Variants in ITGA8 observed in about 807,000 individuals in gnomAD.
ITGA8 encodes integrin subunit alpha 8.
A neutral mutation model predicts 142.3 loss-of-function variants in ITGA8; 91 were observed. The observed-to-expected ratio is 0.64, with a 90% CI of 0.54 to 0.76. The LOEUF (loss-of-function observed/expected upper bound fraction) is 0.76, where lower values mean the gene tolerates loss of function less well. ITGA8 is among the 30% of genes least tolerant of loss of function. The pLI, the probability that ITGA8 is intolerant of heterozygous loss-of-function variation, is 0.00. For missense variants in ITGA8, 1,406 were observed against 1,327.7 expected (o/e 1.06, Z -0.92); for synonymous variants, 505 against 485.2 (o/e 1.04, Z -0.54).
In ITGA8 at chr10:15,682,928, C is replaced by T. The variant is rs574620236; in HGVS notation, c.568+1076G>A. 2.5e-5 allele frequency among the ~76,000 whole-genome samples: 3 copies of T among 120,560 alleles called. No homozygotes were observed. The Admixed American group carries it at 2.9e-4, about 12-fold the overall frequency. 79.1% of individuals were successfully genotyped at this position (120,560 alleles called of 152,430 possible). On this transcript the variant is annotated intron_variant, in intron 4 of 29. Transcript: ENST00000378076. The stretch of plus-strand genomic sequence containing the variant: ...AATCTCAGCAGCCTCTTTGTTAACC[C>T]TCTAATATCACTAATCGATTTTTTC...
chr10:15,517,824 C>T (rs182449639), intron 29 of ITGA8, among the ~76,000 whole-genome samples: 290 of 152,376 alleles, frequency 1.9e-3, no homozygotes, highest in African/African-American at 6.6e-3. Flanking sequence ...ATACAAACCA[C>T]TTATGGACCT....
At chr10:15,520,082 AT>A (rs991336257) in intron 28 of ITGA8, among the ~76,000 whole-genome samples, 1 of 152,014 alleles carries the variant, frequency 6.6e-6, no homozygotes, top group African/African-American at 2.4e-5. Context: ...TGAATGTTCA[AT>A]TTTTTTTGAT....
At chr10:15,535,084 C>T (rs1041531570) in intron 27 of ITGA8, among the ~76,000 whole-genome samples, 13 of 152,180 alleles carry the variant, frequency 8.5e-5, no homozygotes, top group Admixed American at 3.9e-4. Context: ...CCCGGGCCAG[C>T]GGCTGCGGTA....
intron 29 of ITGA8, among the ~76,000 whole-genome samples, chr10:15,517,673 G>T (rs1203158205): frequency 6.6e-6 from 1 of 152,204 alleles, no homozygotes; most frequent in Non-Finnish European, 1.5e-5. Flanking sequence ...TAATCAGTCT[G>T]TTTCTCCAAA....
At chr10:15,546,064 G>T (rs545759192) in intron 27 of ITGA8, among the ~76,000 whole-genome samples, 2 of 152,212 alleles carry the variant, frequency 1.3e-5, no homozygotes, top group South Asian at 4.2e-4. Context: ...TATTCTGTCT[G>T]GGGCTCTGCC....
intron 28 of ITGA8, among the ~76,000 whole-genome samples, chr10:15,523,249 A>G (rs1389633358): frequency 1.3e-5 from 2 of 152,246 alleles, no homozygotes; most frequent in African/African-American, 2.4e-5. Context: ...TGTATCATCT[A>G]TATAACTGGG....
chr10:15,646,270 C>T (rs920380776), intron 12 of ITGA8, among the ~76,000 whole-genome samples: 2 of 152,132 alleles, frequency 1.3e-5, no homozygotes, highest in African/African-American at 2.4e-5. Context: ...AAGTAAACAG[C>T]ACTTATAAGT....
intron 6 of ITGA8, 32 bp from the exon 7 acceptor site, chr10:15,672,781 A>G: frequency 1.3e-6 from 2 of 1,549,894 alleles, no homozygotes; most frequent in Non-Finnish European, 1.7e-6. Flanking sequence ...CGTTAACTGA[A>G]TGAAAGCAAG....
rs1179469415 is a variant in ITGA8, at chr10:15,515,451, A to G, written c.*1707T>C. The G allele has an allele frequency of 6.6e-6, 1 of 152,188 alleles. No individual in the cohort carries two copies. Among genetic ancestry groups the G allele is most frequent in the Non-Finnish European group, 1.5e-5 (1 of 68,030 alleles). The allele number at this position is 152,188 out of a possible 1,614,324, so 9.4% of individuals were successfully genotyped here. On this transcript the variant is annotated 3_prime_UTR_variant, in exon 30 of 30. Transcript: ENST00000378076. ...AGCTGTAGCCAAATGGCTCCTCTCCAGCTTATGGCATGACATAAAATTTAG... is the reference window on the plus strand; with the variant it reads ...AGCTGTAGCCAAATGGCTCCTCTCCGGCTTATGGCATGACATAAAATTTAG...
chr10:15,626,724 T>C (rs745612980), intron 13 of ITGA8, among the ~76,000 whole-genome samples: 4 of 152,138 alleles, frequency 2.6e-5, no homozygotes, highest in Non-Finnish European at 5.9e-5. Context: ...ACCAGTGTCC[T>C]TATAAGAAGA....
chr10:15,531,503 A>G (rs1409450923), intron 27 of ITGA8, among the ~76,000 whole-genome samples: 1 of 136,230 alleles, frequency 7.3e-6, no homozygotes, highest in African/African-American at 2.7e-5. Flanking sequence ...ATAAAAACAG[A>G]AAATCAGAGT....
At chr10:15,640,398 C>T (rs1833849525) in intron 13 of ITGA8, among the ~76,000 whole-genome samples, 1 of 152,172 alleles carries the variant, frequency 6.6e-6, no homozygotes, top group South Asian at 2.1e-4. Context: ...GTATTTACTT[C>T]ATAATTTGAA....
intron 2 of ITGA8, among the ~76,000 whole-genome samples, chr10:15,699,098 A>G (rs958618282): frequency 3.9e-5 from 6 of 152,204 alleles, no homozygotes; most frequent in East Asian, 1.9e-4. Context: ...AGCATGGCCA[A>G]CATGGTGAAA....
intron 28 of ITGA8, among the ~76,000 whole-genome samples, chr10:15,522,136 T>G (rs369543004): frequency 6.6e-6 from 1 of 152,210 alleles, no homozygotes; most frequent in Non-Finnish European, 1.5e-5. Context: ...TTTGAGACAA[T>G]AGATATCCTA....
chr10:15,677,748 TA>T (rs1372998763), intron 5 of ITGA8, 111 bp from the exon 6 acceptor site: 1 of 979,848 alleles, frequency 1.0e-6, no homozygotes, highest in Admixed American at 2.5e-5. Flanking sequence ...TTGTTACACA[TA>T]AAAAGCAATT....
intron 4 of ITGA8, among the ~76,000 whole-genome samples, 189 bp from the exon 5 acceptor site, chr10:15,678,972 C>A (rs1834685262): frequency 6.6e-6 from 1 of 152,140 alleles, no homozygotes; most frequent in Non-Finnish European, 1.5e-5. Context: ...TGTTTTCTTA[C>A]ACCAAATAGC....
chr10:15,543,708 T>A (rs1833616123), intron 27 of ITGA8, among the ~76,000 whole-genome samples: 1 of 152,204 alleles, frequency 6.6e-6, no homozygotes, highest in Non-Finnish European at 1.5e-5. Flanking sequence ...TTAGTGGGGA[T>A]GGAAGATTAT....
chr10:15,540,282 A>T (rs1486234396), intron 27 of ITGA8, among the ~76,000 whole-genome samples: 1 of 152,008 alleles, frequency 6.6e-6, no homozygotes, highest in Non-Finnish European at 1.5e-5. Flanking sequence ...ACCTCTTTTC[A>T]TCCCTGTTCC....
chr10:15,655,379 C>T lies in ITGA8; in HGVS notation c.976G>A (p.Val326Ile), dbSNP rs956646846. Residue 326 changes from valine to isoleucine, a missense_variant, in exon 11 of 30, where the codon GTC (valine) becomes ATC (isoleucine). Transcript: ENST00000378076. ...CCATCACTGTTAACATCTGATACGA[C>T]AACGGTATATCCAAAATAAGATGCC... ...QMASYFGYTV[V>I]VSDVNSDGLD... The T allele has an allele frequency of 6.2e-7, 1 of 1,610,362 alleles. No individual in the cohort carries two copies. The highest frequency in any genetic ancestry group is 8.5e-7 in the Non-Finnish European group (1 of 1,176,864).
Sources: allele counts gnomAD v4.1 joint callset (sites outside exome capture counted in the v4.1 genomes callset), GRCh38; gene constraint gnomAD v4.1.1; transcripts MANE v1.5; gene names NCBI Gene and HGNC (gene_info 2026-07-23, HGNC 2026-07-21).